The following SELENOV variants were observed in gnomAD, a reference collection of about 807,000 sequenced individuals.
The protein encoded by SELENOV is selenoprotein V.
Under a neutral mutation model 21.6 loss-of-function variants are expected in SELENOV, and 25 were observed. That is an observed-to-expected ratio of 1.16 (90% CI 0.84 to 1.62). SELENOV has a LOEUF of 1.62. SELENOV is among the 40% of genes most tolerant of loss of function. The probability of loss-of-function intolerance (pLI) is 0.00; values close to 1 mark genes in which losing one functional copy is unlikely to be tolerated. For synonymous variants in SELENOV, 227 were observed against 216.9 expected (o/e 1.05, Z -0.41); for missense variants, 472 against 459.0 (o/e 1.03, Z -0.26).
intron 1 of SELENOV, among the ~76,000 whole-genome samples, chr19:39,517,414 G>A (rs2079702694): frequency 6.6e-6 from 1 of 152,062 alleles, no homozygotes. Context: ...CTGGTGTGGA[G>A]GGGCAAGCAA....
intron 5 of SELENOV, 36 bp downstream of exon 5, chr19:39,519,206 G>GC: frequency 6.9e-7 from 1 of 1,459,824 alleles, no homozygotes; most frequent in Non-Finnish European, 9.6e-7. Flanking sequence ...GGTGGGAGGG[G>GC]TGGAGGCCGG....
At position 39,515,776 on chromosome 19, in the gene SELENOV, C is replaced by T; in HGVS notation, c.564C>T (p.Ala188=). The change falls in exon 1 of 6, where the codon GCC becomes GCT. Residue 188 remains alanine (A), a synonymous_variant. Coordinates refer to ENST00000335426, the Ensembl canonical transcript of SELENOV. This position sits in a 1 kb window ranked among gnomAD's most constrained non-coding sequence, Gnocchi z 5.1. ...CGGTCTCCAGCGAGGCCGGGCCCGCCCCGGGGCCCCTTCCCACGCGCACCC... is the reference window on the plus strand; with the variant it reads ...CGGTCTCCAGCGAGGCCGGGCCCGCTCCGGGGCCCCTTCCCACGCGCACCC... The T allele has an allele frequency of 6.5e-7, 1 of 1,549,292 alleles. No individual in the cohort carries two copies. The highest frequency in any genetic ancestry group is 8.7e-7 in the Non-Finnish European group (1 of 1,146,270).
rs1481484795 is a variant in SELENOV at position 39,515,449 on chromosome 19, C to T, written c.237C>T (p.Ala79=). 1.9e-6 allele frequency: 3 copies of T among 1,551,592 alleles called. No homozygotes were observed. Among genetic ancestry groups the T allele is most frequent in the Admixed American group, 2.0e-5 (1 of 50,992 alleles). ...CTCTGGTCCCCACTCCCGCTCTGGCCCGGATCCCCCGTCTGGTTCCGCCTC... is the reference window on the plus strand; with the variant it reads ...CTCTGGTCCCCACTCCCGCTCTGGCTCGGATCCCCCGTCTGGTTCCGCCTC... The change falls in exon 1 of 6, where the codon GCC becomes GCT. Residue 79 remains alanine (A), a synonymous_variant. Coordinates refer to ENST00000335426, the Ensembl canonical transcript of SELENOV. This position sits in a 1 kb window ranked among gnomAD's most constrained non-coding sequence, Gnocchi z 5.1.
At position 39,518,459 on chromosome 19, in the gene SELENOV, C is replaced by T. The variant is rs538007485; in HGVS notation, c.810-149C>T. 4.4e-4 allele frequency: 341 copies of T among 773,684 alleles called. No individual in the cohort carries two copies. The African/African-American group carries it at 4.7e-3, about 11-fold the overall frequency. 47.9% of individuals were successfully genotyped at this position (773,684 alleles called of 1,614,324 possible). A position where few individuals can be genotyped will look rare whatever the true frequency, so the allele number is the denominator to read the frequency against. On this transcript the variant is annotated intron_variant, in intron 1 of 5. Coordinates refer to ENST00000335426, the Ensembl canonical transcript of SELENOV. ...ACGGGAAGGACTGGTTTTTCCCCTG[C>T]GTGAGATGGCACTACTTCGGGATTC...
rs774230743 is a variant in SELENOV, at chr19:39,519,096, C to A, written c.989C>A (p.Ser330Tyr). The A allele has an allele frequency of 2.5e-6, 4 of 1,613,742 alleles. No homozygotes were observed. The Admixed American group carries it at 5.0e-5, about 20-fold the overall frequency. ...AGGGGTGATGGCTTTGTGAACGAGT[C>A]CAGGCTGCAGAAAATTGTGAGCGTT... The change falls in exon 5 of 6, where the codon TCC becomes TAC. Residue 330 changes from serine (S) to tyrosine (Y), a missense_variant. Ser to Tyr is a moderately radical substitution (Grantham distance 144, BLOSUM62 -2). Coordinates refer to ENST00000335426, the Ensembl canonical transcript of SELENOV.
chr19:39,518,125 C>T lies in SELENOV; in HGVS notation c.810-483C>T, dbSNP rs181086226. On this transcript the variant is annotated intron_variant, in intron 1 of 5. Transcript: ENST00000335426. ...GTCTCTACTAAAATATAAAAAATTA[C>T]CCGGGCGTGGTGGTGGGCGCCTATA... 2.7e-3 allele frequency among the ~76,000 whole-genome samples: 411 copies of T among 151,320 alleles called. 3 individuals are homozygous for T. The highest frequency in any genetic ancestry group is 9.5e-3 in the African/African-American group (392 of 41,306).
intron 2 of SELENOV, 38 bp from the exon 3 acceptor site, chr19:39,518,702 C>G: frequency 6.2e-7 from 1 of 1,613,258 alleles, no homozygotes. Flanking sequence ...CCTGTTTCCC[C>G]TCCCCTGCAA....
At position 39,515,376 on chromosome 19, in the gene SELENOV, C is replaced by T; in HGVS notation, c.164C>T (p.Ala55Val). 6 of 1,551,592 alleles carry T rather than the reference C, an allele frequency of 3.9e-6. No individual in the cohort carries two copies. Among genetic ancestry groups the T allele is most frequent in the Non-Finnish European group, 5.2e-6 (6 of 1,146,948 alleles). Reference sequence around the variant, plus strand: ...ACTCCAGTCCTGACTCCGTCTCCAGCCGGGACTTCCCCTCTGGTCCTGACT... The same window carrying T: ...ACTCCAGTCCTGACTCCGTCTCCAGTCGGGACTTCCCCTCTGGTCCTGACT... Residue 55 changes from alanine to valine, a missense_variant, in exon 1 of 6, where the codon GCC becomes GTC. By Grantham distance (64) the Ala-to-Val change is moderately conservative. Transcript: ENST00000335426. The surrounding 1 kb of genome is among the most constrained non-coding windows in gnomAD (Gnocchi z 5.1).
At chr19:39,516,986 C>G (rs1291847459) in intron 1 of SELENOV, among the ~76,000 whole-genome samples, 1 of 151,934 alleles carries the variant, frequency 6.6e-6, no homozygotes, top group Non-Finnish European at 1.5e-5. Flanking sequence ...TGTGAGCCAC[C>G]GCGCCTGGCC....
Position 39,518,776 on chromosome 19 carries a change from C to G in SELENOV, c.871C>G (p.Pro291Ala), listed in dbSNP as rs1206594639. 4 of 1,613,900 alleles carry G rather than the reference C, an allele frequency of 2.5e-6. No homozygotes were observed. In the East Asian group the frequency reaches 6.7e-5, roughly 27 times the overall value. ...GAAAAAGAGCCTGGAGCAGCAATTT[C>G]CGAATCACCTACTCTTTGTAAGTGT... The change falls in exon 3 of 6, where the codon CCG becomes GCG. Residue 291 changes from proline to alanine, a missense_variant. Coordinates refer to ENST00000335426, the Ensembl canonical transcript of SELENOV.
chr19:39,517,304 A>T (rs1358549768), intron 1 of SELENOV, among the ~76,000 whole-genome samples: 2 of 151,822 alleles, frequency 1.3e-5, no homozygotes, highest in African/African-American at 4.8e-5. Context: ...TATTCATTCG[A>T]CAACTACTTC....
rs748040893 is a variant in SELENOV at position 39,516,051 on chromosome 19, C to A, written c.809+30C>A. 6 of 1,546,494 alleles carry A rather than the reference C, an allele frequency of 3.9e-6. No homozygotes were observed. In the Admixed American group the frequency reaches 5.9e-5, roughly 15 times the overall value. ...GGACCTCACACATGCCTCTCCCAAC[C>A]CCCGGGGACAGGGCCGGCAGTGGGG... On this transcript the variant is annotated intron_variant, in intron 1 of 5. Transcript: ENST00000335426.
exon 6 of SELENOV, chr19:39,520,294 G>A (rs1276578444): frequency 1.3e-5 from 2 of 151,046 alleles, no homozygotes; most frequent in East Asian, 3.9e-4. Flanking sequence ...TGTGTCTGCT[G>A]TCGCCACACT....
intron 1 of SELENOV, 98 bp from the exon 2 acceptor site, chr19:39,518,510 C>T (rs1600764913): frequency 1.7e-6 from 2 of 1,175,284 alleles, no homozygotes; most frequent in Non-Finnish European, 2.5e-6. Flanking sequence ...CATGATCTAA[C>T]TCAGGTGTTC....
rs1430909815 is a variant in SELENOV, at chr19:39,515,734, C to A, written c.522C>A (p.Ser174Arg). 1 of 1,549,596 alleles carries A rather than the reference C, an allele frequency of 6.5e-7. No individual in the cohort carries two copies. The highest frequency in any genetic ancestry group is 1.2e-5 in the South Asian group (1 of 84,026). ...AGGAGGACCCTGAGCCGGCGCCGAG[C>A]CTGAAGCTCATCCCGTCGGTCTCCA... Residue 174 changes from serine (S) to arginine (R), a missense_variant, in exon 1 of 6, where the codon AGC (serine) becomes AGA (arginine). Transcript: ENST00000335426. The surrounding 1 kb of genome is among the most constrained non-coding windows in gnomAD (Gnocchi z 5.1).
Position 39,517,416 on chromosome 19 carries a change from G to A in SELENOV, c.810-1192G>A, listed in dbSNP as rs912884281. 2.0e-5 allele frequency among the ~76,000 whole-genome samples: 3 copies of A among 151,926 alleles called. No homozygotes were observed. The East Asian group carries it at 5.8e-4, about 29-fold the overall frequency. On this transcript the variant is annotated intron_variant, in intron 1 of 5. Coordinates refer to ENST00000335426, the Ensembl canonical transcript of SELENOV. ...TGGCTCCCATGGGCTGGTGTGGAGGGGCAAGCAAAAAAACAATAATATGAC... is the reference window on the plus strand; with the variant it reads ...TGGCTCCCATGGGCTGGTGTGGAGGAGCAAGCAAAAAAACAATAATATGAC...
intron 1 of SELENOV, among the ~76,000 whole-genome samples, chr19:39,517,066 C>T (rs1026780927): frequency 2.0e-5 from 3 of 151,064 alleles, no homozygotes; most frequent in Admixed American, 6.6e-5. Context: ...ACTATGTTGC[C>T]CAGGCTGTTC....
chr19:39,518,380 G>C, intron 1 of SELENOV: 1 of 597,692 alleles, frequency 1.7e-6, no homozygotes, highest in Non-Finnish European at 3.0e-6. Context: ...GGAGAAGTGG[G>C]AGAAGATGGA....
Position 39,515,284 on chromosome 19 carries a change from G to C in SELENOV, c.72G>C (p.Pro24=), listed in dbSNP as rs763089947. ...CAACCTCAGTCCGGGCTTCTACCCC[G>C]ACCCGGACACCGACTCCACTCCGGA... The change falls in exon 1 of 6, where the codon CCG becomes CCC. Residue 24 remains proline (P), a synonymous_variant. Coordinates refer to ENST00000335426, the Ensembl canonical transcript of SELENOV. The surrounding 1 kb of genome is among the most constrained non-coding windows in gnomAD (Gnocchi z 5.1). The C allele has an allele frequency of 1.9e-6, 3 of 1,550,928 alleles. No homozygotes were observed. Among genetic ancestry groups the C allele is most frequent in the Non-Finnish European group, 2.6e-6 (3 of 1,146,854 alleles).
Sources: gnomAD v4.1 joint callset for allele counts (sites outside exome capture counted in the v4.1 genomes callset) on GRCh38, gnomAD v4.1.1 for gene constraint, Gnocchi (gnomAD v3.1) non-coding constraint, MANE v1.5 for transcripts, NCBI Gene and HGNC (gene_info 2026-07-23, HGNC 2026-07-21) for gene names.